Variants in CAMKMT observed in about 807,000 individuals in gnomAD.
The protein encoded by CAMKMT is calmodulin-lysine N-methyltransferase.
CAMKMT carries 53 observed loss-of-function variants against 48.0 expected under a neutral mutation model. That is an observed-to-expected ratio of 1.10 (90% CI 0.89 to 1.39). CAMKMT has a LOEUF of 1.39. Among genes scored for constraint, CAMKMT ranks in the 40% most tolerant of loss-of-function variants. The pLI is 0.00. For synonymous variants in CAMKMT, 165 were observed against 152.3 expected, an observed-to-expected ratio of 1.08 and a Z score of -0.61; for missense variants, 428 against 402.7, an observed-to-expected ratio of 1.06 and a Z score of -0.54.
chr2:44,454,283 G>T (rs75284344), intron 3 of CAMKMT, among the ~76,000 whole-genome samples: 26 of 152,174 alleles, frequency 1.7e-4, no homozygotes, highest in African/African-American at 6.3e-4. Flanking sequence ...TTAAAATAGA[G>T]ACTTCAGGTT....
intron 3 of CAMKMT, among the ~76,000 whole-genome samples, chr2:44,477,183 C>T (rs1156631389): frequency 2.0e-5 from 3 of 152,076 alleles, no homozygotes; most frequent in South Asian, 2.1e-4. Context: ...TTCAGTTTGC[C>T]GTAGTTCATT....
chr2:44,771,007 C>T (rs965681510), intron 10 of CAMKMT, among the ~76,000 whole-genome samples: 1 of 152,152 alleles, frequency 6.6e-6, no homozygotes, highest in Non-Finnish European at 1.5e-5. Context: ...GACTCCTGTC[C>T]TTAATAGTGA....
chr2:44,591,919 T>C (rs1305708470), intron 3 of CAMKMT, among the ~76,000 whole-genome samples: 5 of 152,152 alleles, frequency 3.3e-5, no homozygotes, highest in Admixed American at 6.5e-5. Context: ...TGTAGGAACA[T>C]GGATGAAATT....
At chr2:44,718,116 T>G (rs1678268175) in intron 7 of CAMKMT, among the ~76,000 whole-genome samples, 1 of 152,194 alleles carries the variant, frequency 6.6e-6, no homozygotes, top group South Asian at 2.1e-4. Context: ...TCCAAGGGCC[T>G]TGGAAGGGGC....
chr2:44,581,993 C>T (rs921773684), intron 3 of CAMKMT, among the ~76,000 whole-genome samples: 7 of 152,110 alleles, frequency 4.6e-5, no homozygotes, highest in Middle Eastern at 3.2e-3. Context: ...AGCGAGACTC[C>T]GTCTCAAAAA....
chr2:44,400,208 CAAGCCCTATA>C (rs1682236294), intron 3 of CAMKMT, among the ~76,000 whole-genome samples: 1 of 152,116 alleles, frequency 6.6e-6, no homozygotes. Context: ...ACATATACCA[CAAGCCCTATA>C]AACTAATAGA....
intron 3 of CAMKMT, among the ~76,000 whole-genome samples, chr2:44,557,353 C>T (rs574601400): frequency 2.6e-5 from 4 of 151,756 alleles, no homozygotes; most frequent in African/African-American, 9.7e-5. Context: ...AAAACTAACA[C>T]ATGAAACAAA....
chr2:44,605,135 T>C (rs1671212948), intron 3 of CAMKMT, among the ~76,000 whole-genome samples: 1 of 152,144 alleles, frequency 6.6e-6, no homozygotes, highest in African/African-American at 2.4e-5. Context: ...TTCTTAATTA[T>C]TTGTGTAATA....
intron 8 of CAMKMT, among the ~76,000 whole-genome samples, chr2:44,752,020 C>T (rs1029875104): frequency 6.6e-6 from 1 of 152,044 alleles, no homozygotes; most frequent in African/African-American, 2.4e-5. Flanking sequence ...GACCCAATAC[C>T]TCCCACTAGG....
intron 3 of CAMKMT, among the ~76,000 whole-genome samples, chr2:44,481,268 A>G (rs1366030586): frequency 6.6e-6 from 1 of 152,126 alleles, no homozygotes; most frequent in Non-Finnish European, 1.5e-5. Context: ...TTATTTTTGA[A>G]CACTTGTAAT....
At position 44,368,623 on chromosome 2, in the gene CAMKMT, G is replaced by A. The variant is rs747935353; in HGVS notation, c.139-4093G>A. On this transcript the variant is annotated intron_variant, in intron 1 of 10. Coordinates refer to ENST00000378494, the MANE Select transcript of CAMKMT (RefSeq NM_024766.5). The stretch of plus-strand genomic sequence containing the variant: ...GACTTAAATTATTTTTTACATTAGC[G>A]GTTTATGGTACCATTACCTTGACAT... Among the ~76,000 whole-genome samples, 43 of 152,000 alleles carry A rather than the reference G, an allele frequency of 2.8e-4. 1 individual carries two copies. The highest frequency in any genetic ancestry group is 5.6e-4 in the Non-Finnish European group (38 of 67,990).
chr2:44,598,772 C>A (rs1054065498), intron 3 of CAMKMT, among the ~76,000 whole-genome samples: 8 of 111,418 alleles, frequency 7.2e-5, no homozygotes, highest in African/African-American at 2.7e-4. Flanking sequence ...GGTTGTGAGG[C>A]GATATAAGAA....
intron 3 of CAMKMT, among the ~76,000 whole-genome samples, chr2:44,603,952 G>T (rs991397117): frequency 6.6e-6 from 1 of 152,010 alleles, no homozygotes; most frequent in African/African-American, 2.4e-5. Context: ...TAATAAGATG[G>T]TCAAACTGAA....
intron 1 of CAMKMT, among the ~76,000 whole-genome samples, chr2:44,371,859 A>C (rs1023869380): frequency 2.0e-5 from 3 of 152,216 alleles, no homozygotes; most frequent in Non-Finnish European, 4.4e-5. Flanking sequence ...CCATTTTGTC[A>C]TAATTTTTCT....
chr2:44,650,371 A>C (rs1673991795), intron 3 of CAMKMT, among the ~76,000 whole-genome samples: 1 of 152,134 alleles, frequency 6.6e-6, no homozygotes, highest in Non-Finnish European at 1.5e-5. Context: ...CCTCATCTTA[A>C]CCTAACTAAC....
chr2:44,394,822 A>G, intron 3 of CAMKMT: 2 of 453,774 alleles, frequency 4.4e-6, no homozygotes, highest in South Asian at 3.1e-5. Flanking sequence ...TCTAAAACTG[A>G]TCTCTTTTGG....
At chr2:44,423,352 G>GT (rs1684057953) in intron 3 of CAMKMT, among the ~76,000 whole-genome samples, 1 of 151,940 alleles carries the variant, frequency 6.6e-6, no homozygotes, top group South Asian at 2.1e-4. Flanking sequence ...TCTAATTTTT[G>GT]TATTTGTAGT....
At chr2:44,426,102 T>A (rs1281201413) in intron 3 of CAMKMT, among the ~76,000 whole-genome samples, 1 of 152,220 alleles carries the variant, frequency 6.6e-6, no homozygotes, top group Non-Finnish European at 1.5e-5. Context: ...TGAGAATCAT[T>A]TTACCAAGTA....
chr2:44,618,025 C>T lies in CAMKMT; in HGVS notation c.377-86258C>T, dbSNP rs1482988748. 6.6e-6 allele frequency among the ~76,000 whole-genome samples: 1 copy of T among 152,182 alleles called. No homozygotes were observed. The highest frequency in any genetic ancestry group is 1.5e-5 in the Non-Finnish European group (1 of 68,030). ...AGCATCATATCTGAGCTATTCTTTT[C>T]ATCTCCTTCCTGTTTCTTTGTATAC... On this transcript the variant is annotated intron_variant, in intron 3 of 10. Transcript: ENST00000378494. The surrounding 1 kb of genome is among the most constrained non-coding windows in gnomAD (Gnocchi z 4.0).
Sources: gnomAD v4.1 joint callset for allele counts (sites outside exome capture counted in the v4.1 genomes callset) on GRCh38, gnomAD v4.1.1 for gene constraint, Gnocchi (gnomAD v3.1) non-coding constraint, MANE v1.5 for transcripts, NCBI Gene and HGNC (gene_info 2026-07-23, HGNC 2026-07-21) for gene names.